The following SHISA7 variants were observed in gnomAD, a reference collection of about 807,000 sequenced individuals.
SHISA7 encodes protein shisa-7.
A neutral mutation model predicts 23.9 loss-of-function variants in SHISA7; 6 were observed. The observed-to-expected ratio is 0.25, with a 90% CI of 0.14 to 0.50. The LOEUF is 0.50. SHISA7 is among the 20% of genes least tolerant of loss of function. SHISA7 has a pLI of 0.98. For synonymous variants in SHISA7, 386 were observed against 398.3 expected, an observed-to-expected ratio of 0.97 and a Z score of 0.37; for missense variants, 671 against 801.1, an observed-to-expected ratio of 0.84 and a Z score of 1.96.
rs1364651113 is a variant in SHISA7 at position 55,434,836 on chromosome 19, GTGGTGTGTGTGTGCGTGTGTGTATA to G, written c.977-1065_977-1041del. On this transcript the variant is annotated intron_variant, in intron 3 of 3. Coordinates refer to ENST00000376325, the MANE Select transcript of SHISA7 (RefSeq NM_001145176.2). ...CATGGTGTGTATGTGTGTGTGGTGT[GTGGTGTGTGTGTGCGTGTGTGTATA>G]TGTGGTGTGTGTGGTGTGTGTGTAT... Among the ~76,000 whole-genome samples, 1,037 of 118,954 alleles carry G rather than the reference GTGGTGTGTGTGTGCGTGTGTGTATA, an allele frequency of 8.7e-3. 45 individuals carry two copies. Among genetic ancestry groups the G allele is most frequent in the Non-Finnish European group, 0.013 (772 of 58,084 alleles). 78.0% of individuals were successfully genotyped at this position (118,954 alleles called of 152,430 possible).
Position 55,433,797 on chromosome 19 carries a change from C to A in SHISA7, c.977-1G>T. 1 of 1,399,712 alleles carries A rather than the reference C, an allele frequency of 7.1e-7. No individual in the cohort carries two copies. The allele number at this position is 1,399,712 out of a possible 1,614,324, so 86.7% of individuals were successfully genotyped here. A position where few individuals can be genotyped will look rare whatever the true frequency, so the allele number is the denominator to read the frequency against. ...TAGGCCTCGTCCAGATCCTTCTCGG[C>A]TGCGGGGAGAGGGGGAAAAGCCACA... On this transcript the variant is annotated splice_acceptor_variant, in intron 3 of 3. Transcript: ENST00000376325. LOFTEE classifies it high-confidence loss of function. The surrounding 1 kb of genome is among the most constrained non-coding windows in gnomAD (Gnocchi z 8.4).
rs1339993997 is a variant in SHISA7 at position 55,429,839 on chromosome 19, T to G, written c.*3317A>C. The G allele has an allele frequency of 6.6e-6, 1 of 152,084 alleles. No individual in the cohort carries two copies. The highest frequency in any genetic ancestry group is 1.5e-5 in the Non-Finnish European group (1 of 68,044). 9.4% of individuals were successfully genotyped at this position (152,084 alleles called of 1,614,324 possible). A position where few individuals can be genotyped will look rare whatever the true frequency, so the allele number is the denominator to read the frequency against. ...AGCACCCCTGGTCCCGCAGATGTGCTGGCAGGGACCATTGCTCTCCAGTGT... is the reference window on the plus strand; with the variant it reads ...AGCACCCCTGGTCCCGCAGATGTGCGGGCAGGGACCATTGCTCTCCAGTGT... On this transcript the variant is annotated 3_prime_UTR_variant, in exon 4 of 4. Coordinates refer to ENST00000376325, the MANE Select transcript of SHISA7 (RefSeq NM_001145176.2).
In SHISA7 at chr19:55,433,794, C is replaced by T. The variant is rs1985276455; in HGVS notation, c.979G>A (p.Glu327Lys). ...NRYSSLKRLAEKDLDEAYLKR... is the reference protein window; with the variant it reads ...NRYSSLKRLAKKDLDEAYLKR... ...AGGTAGGCCTCGTCCAGATCCTTCT[C>T]GGCTGCGGGGAGAGGGGGAAAAGCC... Residue 327 changes from glutamate (E) to lysine (K), a missense_variant and splice_region_variant, in exon 4 of 4, where the codon GAG (glutamate) becomes AAG (lysine). Glu to Lys is a moderately conservative substitution (Grantham distance 56, BLOSUM62 1). This residue lies in a region of SHISA7 where 457 missense variants were observed against 488.3 expected (regional missense o/e 0.94). Transcript: ENST00000376325. The surrounding 1 kb of genome is among the most constrained non-coding windows in gnomAD (Gnocchi z 8.4). 7.1e-7 allele frequency: 1 copy of T among 1,404,898 alleles called. No individual in the cohort carries two copies. Among genetic ancestry groups the T allele is most frequent in the Non-Finnish European group, 9.2e-7 (1 of 1,088,790 alleles). 87.0% of individuals were successfully genotyped at this position (1,404,898 alleles called of 1,614,324 possible).
In SHISA7 at chr19:55,442,850, A is replaced by G; in HGVS notation, c.14T>C (p.Leu5Pro). Residue 5 changes from leucine (L) to proline (P), a missense_variant, in exon 1 of 4, where the codon CTG becomes CCG. By Grantham distance (98) the Leu-to-Pro change is moderately conservative. Transcript: ENST00000376325. MPALLLLVLLASSAG... is the reference protein window; with the variant it reads MPALPLLVLLASSAG... ...GCTAGAGGCCAGGAGTACGAGGAGCAGGAGGGCCGGCATGGGGCTTGCAGG... is the reference window on the plus strand; with the variant it reads ...GCTAGAGGCCAGGAGTACGAGGAGCGGGAGGGCCGGCATGGGGCTTGCAGG... 1 of 1,384,672 alleles carries G rather than the reference A, an allele frequency of 7.2e-7. No individual in the cohort carries two copies. Among genetic ancestry groups the G allele is most frequent in the Non-Finnish European group, 9.3e-7 (1 of 1,071,382 alleles). The allele number at this position is 1,384,672 out of a possible 1,614,324, so 85.8% of individuals were successfully genotyped here. A position where few individuals can be genotyped will look rare whatever the true frequency, so the allele number is the denominator to read the frequency against.
At chr19:55,435,706 G>A (rs10401557) in intron 3 of SHISA7, among the ~76,000 whole-genome samples, 2 of 150,702 alleles carry the variant, frequency 1.3e-5, no homozygotes, top group Non-Finnish European at 2.9e-5. Context: ...TGAGCCTGCA[G>A]TGAGCCATGA....
chr19:55,433,540 C>T lies in SHISA7; in HGVS notation c.1233G>A (p.Glu411=). ...TLPRARLVSQ[E]HLLLSSPEAL... ...CCTCGGGCGAGGACAGCAGCAGGTGCTCCTGCGACACCAGGCGCGCGCGCG... is the reference window on the plus strand; with the variant it reads ...CCTCGGGCGAGGACAGCAGCAGGTGTTCCTGCGACACCAGGCGCGCGCGCG... The change falls in exon 4 of 4, where the codon GAG becomes GAA. Residue 411 remains glutamate, a synonymous_variant. Transcript: ENST00000376325. This position sits in a 1 kb window ranked among gnomAD's most constrained non-coding sequence, Gnocchi z 8.4. 1 of 1,492,108 alleles carries T rather than the reference C, an allele frequency of 6.7e-7. No homozygotes were observed. Among genetic ancestry groups the T allele is most frequent in the Non-Finnish European group, 8.9e-7 (1 of 1,127,476 alleles). The allele number at this position is 1,492,108 out of a possible 1,614,324, so 92.4% of individuals were successfully genotyped here.
intron 3 of SHISA7, among the ~76,000 whole-genome samples, chr19:55,434,672 GGT>G (rs564140797): frequency 0.012 from 1,156 of 92,502 alleles, 31 homozygotes; most frequent in African/African-American, 0.045. Context: ...GTGTGTGTAT[GGT>G]GTGTGGTGTG....
Position 55,429,651 on chromosome 19 carries a change from TG to T in SHISA7, c.*3504del. The T allele has an allele frequency of 6.6e-6, 1 of 151,962 alleles. No individual in the cohort carries two copies. The highest frequency in any genetic ancestry group is 1.5e-5 in the Non-Finnish European group (1 of 67,976). 9.4% of individuals were successfully genotyped at this position (151,962 alleles called of 1,614,324 possible). A position where few individuals can be genotyped will look rare whatever the true frequency, so the allele number is the denominator to read the frequency against. On this transcript the variant is annotated 3_prime_UTR_variant, in exon 4 of 4. Coordinates refer to ENST00000376325, the MANE Select transcript of SHISA7 (RefSeq NM_001145176.2). ...GCCCCCCCCACCTCGCCCTAGGGGC[TG>T]GGGGAGGGGCGTGTAGCCCTTTAAG...
rs1985270026 is a variant in SHISA7 at position 55,433,629 on chromosome 19, G to A, written c.1144C>T (p.Arg382Trp). 4 of 1,490,340 alleles carry A rather than the reference G, an allele frequency of 2.7e-6. No individual in the cohort carries two copies. The highest frequency in any genetic ancestry group is 1.5e-5 in the African/African-American group (1 of 68,390). 92.3% of individuals were successfully genotyped at this position (1,490,340 alleles called of 1,614,324 possible). The change falls in exon 4 of 4, where the codon CGG becomes TGG. Residue 382 changes from arginine to tryptophan, a missense_variant. This residue lies in a region of SHISA7 where 457 missense variants were observed against 488.3 expected (regional missense o/e 0.94). Coordinates refer to ENST00000376325, the MANE Select transcript of SHISA7 (RefSeq NM_001145176.2). This position sits in a 1 kb window ranked among gnomAD's most constrained non-coding sequence, Gnocchi z 8.4. ...AGCAGGTGCTCCTGGGACATGACCC[G>A]CCGGGGGTTGGGCGCGGGCGCCAGG... is the stretch of plus-strand genomic sequence containing the variant. ...LGLAPAPNPRRVMSQEHLLGD... is the reference protein window; with the variant it reads ...LGLAPAPNPRWVMSQEHLLGD...
intron 2 of SHISA7, chr19:55,438,462 C>A: frequency 9.2e-7 from 1 of 1,092,088 alleles, no homozygotes; most frequent in Non-Finnish European, 1.2e-6. Flanking sequence ...ACAGGGGTCT[C>A]ACTCCTGCTC....
chr19:55,436,467 G>A (rs1452346025), intron 3 of SHISA7, among the ~76,000 whole-genome samples: 2 of 152,022 alleles, frequency 1.3e-5, no homozygotes, highest in Non-Finnish European at 2.9e-5. Flanking sequence ...GCCAGGTGTG[G>A]TGGCATGCGC....
Position 55,433,837 on chromosome 19 carries a change from G to A in SHISA7, c.977-41C>T. On this transcript the variant is annotated intron_variant, in intron 3 of 3. Transcript: ENST00000376325. The surrounding 1 kb of genome is among the most constrained non-coding windows in gnomAD (Gnocchi z 8.4). ...GAAAAGCCACAGCCGTGGGTCCCCT[G>A]CGCATCTAGAGCCCTCCCCCTCCCA... 1 of 1,364,518 alleles carries A rather than the reference G, an allele frequency of 7.3e-7. No individual in the cohort carries two copies. Among genetic ancestry groups the A allele is most frequent in the East Asian group, 3.1e-5 (1 of 32,288 alleles). 84.5% of individuals were successfully genotyped at this position (1,364,518 alleles called of 1,614,324 possible).
At chr19:55,438,447 G>T in intron 2 of SHISA7, 1 of 931,850 alleles carries the variant, frequency 1.1e-6, no homozygotes. Context: ...ATGAGGACTG[G>T]GCTCACAGGG....
intron 1 of SHISA7, 73 bp from the exon 2 acceptor site, chr19:55,440,838 G>A (rs1985583990): frequency 8.3e-7 from 1 of 1,203,510 alleles, no homozygotes; most frequent in African/African-American, 1.6e-5. Flanking sequence ...GCTTCTTTCC[G>A]CTCCCTGCTC....
intron 2 of SHISA7, chr19:55,438,467 C>T: frequency 8.7e-7 from 1 of 1,149,140 alleles, no homozygotes; most frequent in Non-Finnish European, 1.2e-6. Context: ...GGTCTCACTC[C>T]TGCTCTATAC....
intron 3 of SHISA7, among the ~76,000 whole-genome samples, chr19:55,436,380 G>A (rs1387858693): frequency 1.3e-5 from 2 of 151,366 alleles, no homozygotes; most frequent in Non-Finnish European, 2.9e-5. Context: ...CGATGTGGGT[G>A]GATCACAAGG....
intron 2 of SHISA7, 94 bp downstream of exon 2, chr19:55,440,517 G>A (rs1156409618): frequency 7.7e-6 from 9 of 1,166,182 alleles, no homozygotes; most frequent in South Asian, 4.4e-5. Context: ...CGGGTCCTGG[G>A]CGATGGGGGT....
rs1204566649 is a variant in SHISA7 at position 55,437,770 on chromosome 19, C to T, written c.827-16G>A. ...GCTCGCCAGTCTGGGTTAGAGGGGG[C>T]AGGGCCAGGGTCAGTCAGCTTCCTC... is the stretch of plus-strand genomic sequence containing the variant. On this transcript the variant is annotated splice_polypyrimidine_tract_variant and intron_variant, in intron 2 of 3. Coordinates refer to ENST00000376325, the MANE Select transcript of SHISA7 (RefSeq NM_001145176.2). 1 of 1,545,914 alleles carries T rather than the reference C, an allele frequency of 6.5e-7. No homozygotes were observed.
intron 1 of SHISA7, among the ~76,000 whole-genome samples, 188 bp downstream of exon 1, chr19:55,442,005 C>G (rs547972925): frequency 6.6e-6 from 1 of 152,336 alleles, no homozygotes; most frequent in Admixed American, 6.5e-5. Context: ...TGCATCACTC[C>G]GCAACAGCCG....
Sources: allele counts gnomAD v4.1 joint callset (sites outside exome capture counted in the v4.1 genomes callset), GRCh38; gene constraint gnomAD v4.1.1; regional missense constraint gnomAD v4.1.1; non-coding constraint Gnocchi (gnomAD v3.1); transcripts MANE v1.5; gene names NCBI Gene and HGNC (gene_info 2026-07-23, HGNC 2026-07-21).